The following DYTN variants were observed in gnomAD, a reference collection of about 807,000 sequenced individuals.
DYTN encodes dystrotelin.
A neutral mutation model predicts 69.6 loss-of-function variants in DYTN; 75 were observed. That is an observed-to-expected ratio of 1.08 (90% CI 0.89 to 1.31). The LOEUF is 1.31. DYTN is among the 50% of genes most tolerant of loss of function. The pLI is 0.00. For synonymous variants in DYTN, 252 were observed against 249.1 expected, an observed-to-expected ratio of 1.01 and a Z score of -0.11; for missense variants, 726 against 688.4, an observed-to-expected ratio of 1.05 and a Z score of -0.61.
At position 206,665,876 on chromosome 2, in the gene DYTN, G is replaced by A. The variant is rs1699564455; in HGVS notation, c.1134C>T (p.Asp378=). ...TGTCCCTCACATTTTATACCTGTAG[G>A]TCCCGTCTTATCTGTTGTAGCTTGG... ...LWTKLQQIRR[D]LQARLQPPGP... is the part of the protein sequence containing the mutation. Residue 378 remains aspartate, a synonymous_variant, in exon 10 of 12, where the codon GAC becomes GAT. Coordinates refer to ENST00000452335, the MANE Select transcript of DYTN (RefSeq NM_001093730.1). 9 of 1,613,568 alleles carry A rather than the reference G, an allele frequency of 5.6e-6. No homozygotes were observed. Among genetic ancestry groups the A allele is most frequent in the Non-Finnish European group, 7.6e-6 (9 of 1,179,724 alleles).
chr2:206,653,888 C>T (rs1699416480), intron 11 of DYTN, among the ~76,000 whole-genome samples: 1 of 152,208 alleles, frequency 6.6e-6, no homozygotes, highest in African/African-American at 2.4e-5. Context: ...GCAACACCGT[C>T]ATCTCTTGGC....
intron 9 of DYTN, among the ~76,000 whole-genome samples, chr2:206,689,912 G>A (rs993214332): frequency 6.6e-6 from 1 of 152,122 alleles, no homozygotes; most frequent in East Asian, 1.9e-4. Flanking sequence ...AATATTTATT[G>A]AGGATTTATC....
intron 9 of DYTN, among the ~76,000 whole-genome samples, chr2:206,692,613 T>C (rs1315749247): frequency 6.6e-6 from 1 of 152,206 alleles, no homozygotes; most frequent in Non-Finnish European, 1.5e-5. Flanking sequence ...AAATGTTCAA[T>C]AATGTATTGC....
intron 1 of DYTN, among the ~76,000 whole-genome samples, chr2:206,713,884 C>T (rs931138892): frequency 2.6e-5 from 4 of 152,152 alleles, no homozygotes; most frequent in African/African-American, 9.7e-5. Context: ...TAATGTCAGC[C>T]GATTAACATA....
chr2:206,699,584 T>C, intron 7 of DYTN, 143 bp downstream of exon 7: 1 of 955,758 alleles, frequency 1.0e-6, no homozygotes. Context: ...AGGATGCCTC[T>C]TGCCAGGAAA....
At chr2:206,704,820 G>T (rs1165434125) in intron 5 of DYTN, 23 bp downstream of exon 5, 4 of 1,594,264 alleles carry the variant, frequency 2.5e-6, no homozygotes, top group Non-Finnish European at 3.4e-6. Context: ...CAAATGTACA[G>T]TTCTTAAGTA....
chr2:206,697,052 A>G (rs1392576560), intron 7 of DYTN, among the ~76,000 whole-genome samples: 3 of 152,220 alleles, frequency 2.0e-5, no homozygotes, highest in African/African-American at 7.2e-5. Context: ...TTTTCAATGA[A>G]GTGTACAACA....
chr2:206,656,008 A>G (rs903964884), intron 11 of DYTN, among the ~76,000 whole-genome samples: 4 of 152,078 alleles, frequency 2.6e-5, no homozygotes, highest in South Asian at 2.1e-4. Flanking sequence ...TATTTGGTTT[A>G]CTGTTTTCAA....
chr2:206,696,201 A>G (rs1699918234), intron 7 of DYTN, among the ~76,000 whole-genome samples: 1 of 152,236 alleles, frequency 6.6e-6, no homozygotes, highest in Non-Finnish European at 1.5e-5. Flanking sequence ...AATCCCAAGT[A>G]GAAAGAAGAG....
At chr2:206,675,145 G>GTGTGTGTGTGTATATA (rs1415225495) in intron 9 of DYTN, among the ~76,000 whole-genome samples, 209 of 120,380 alleles carry the variant, frequency 1.7e-3, no homozygotes, top group Non-Finnish European at 7.6e-4. Context: ...GTGTGTGTGT[G>GTGTGTGTGTGTATATA]TATATATGTG....
At chr2:206,694,335 T>C (rs541775768) in intron 8 of DYTN, among the ~76,000 whole-genome samples, 3 of 152,322 alleles carry the variant, frequency 2.0e-5, no homozygotes, top group Admixed American at 2.0e-4. Context: ...AAGAAATATT[T>C]GAAATTTAGG....
chr2:206,694,555 G>A (rs1270644824), intron 8 of DYTN, among the ~76,000 whole-genome samples: 1 of 152,008 alleles, frequency 6.6e-6, no homozygotes, highest in East Asian at 1.9e-4. Flanking sequence ...TGTTCTTGTG[G>A]CCAAAAACTT....
At position 206,699,838 on chromosome 2, in the gene DYTN, T is replaced by A. The variant is rs112735024; in HGVS notation, c.608A>T (p.Glu203Val). 7,783 of 1,613,756 alleles carry A rather than the reference T, an allele frequency of 4.8e-3. 24 individuals carry two copies. The highest frequency in any genetic ancestry group is 0.012 in the African/African-American group (868 of 74,998). ...CGGGAGCCACAGGAGGATGGGAGGC[T>A]CAGATTGGACCCAAGACAGGAATTT... ...EEKFLSWVQS[E>V]PPILLWLPTC... Residue 203 changes from glutamate (E) to valine (V), a missense_variant, in exon 7 of 12, where the codon GAG (glutamate) becomes GTG (valine). Transcript: ENST00000452335.
chr2:206,668,871 A>T (rs1202254253), intron 9 of DYTN, among the ~76,000 whole-genome samples: 1 of 152,056 alleles, frequency 6.6e-6, no homozygotes, highest in Non-Finnish European at 1.5e-5. Flanking sequence ...ATGGTTTTAT[A>T]AGCATCTGGC....
At chr2:206,709,308 G>A (rs1238372120) in intron 2 of DYTN, among the ~76,000 whole-genome samples, 2 of 152,050 alleles carry the variant, frequency 1.3e-5, no homozygotes, top group Admixed American at 6.6e-5. Flanking sequence ...AATTGGCAGG[G>A]TGTGGTGGCT....
At chr2:206,712,230 A>G (rs1183576559) in intron 1 of DYTN, among the ~76,000 whole-genome samples, 2 of 152,176 alleles carry the variant, frequency 1.3e-5, no homozygotes, top group Admixed American at 6.5e-5. Context: ...GTGAGAATCT[A>G]AGGAATAACC....
chr2:206,674,079 T>C (rs1269576819), intron 9 of DYTN, among the ~76,000 whole-genome samples: 3 of 152,202 alleles, frequency 2.0e-5, no homozygotes. Flanking sequence ...CCAAATTATC[T>C]GGTCTACTCT....
intron 5 of DYTN, among the ~76,000 whole-genome samples, chr2:206,704,229 A>G (rs1559316906): frequency 6.6e-6 from 1 of 152,242 alleles, no homozygotes; most frequent in Non-Finnish European, 1.5e-5. Flanking sequence ...AAGTGCCGCA[A>G]CAAAGTTATG....
intron 1 of DYTN, 52 bp downstream of exon 1, chr2:206,718,209 C>A: frequency 6.4e-7 from 1 of 1,553,300 alleles, no homozygotes; most frequent in Non-Finnish European, 8.7e-7. Context: ...AACATCTGTG[C>A]CTAATTTTTC....
Sources: gnomAD v4.1 joint callset for allele counts (sites outside exome capture counted in the v4.1 genomes callset) on GRCh38, gnomAD v4.1.1 for gene constraint, MANE v1.5 for transcripts, NCBI Gene and HGNC (gene_info 2026-07-23, HGNC 2026-07-21) for gene names.